Variants in ASZ1 observed in about 807,000 individuals in gnomAD.
ASZ1 encodes the protein ankyrin repeat, SAM and basic leucine zipper domain containing 1.
ASZ1 carries 67 observed loss-of-function variants against 61.8 expected under a neutral mutation model. The ratio of observed to expected loss-of-function variants is 1.08; its 90% confidence interval spans 0.89 to 1.33. The LOEUF is 1.33. Among genes scored for constraint, ASZ1 ranks in the 40% most tolerant of loss-of-function variants. The pLI is 0.00. For missense variants in ASZ1, 577 were observed against 554.5 expected (o/e 1.04, Z -0.41); for synonymous variants, 193 against 192.7 (o/e 1.00, Z -0.01).
intron 10 of ASZ1, among the ~76,000 whole-genome samples, chr7:117,377,825 T>C (rs1007739199): frequency 3.9e-5 from 6 of 152,124 alleles, no homozygotes; most frequent in African/African-American, 1.2e-4. Context: ...CAAGACGTGG[T>C]ACTTTCAGAG....
chr7:117,394,489 T>A (rs76527002), intron 4 of ASZ1, among the ~76,000 whole-genome samples: 3,461 of 152,300 alleles, frequency 0.023, 131 homozygotes, highest in African/African-American at 0.079. Flanking sequence ...TTTATTGTGA[T>A]GTGTCTACAT....
intron 4 of ASZ1, among the ~76,000 whole-genome samples, chr7:117,410,828 G>A (rs140088328): frequency 1.3e-5 from 2 of 151,484 alleles, no homozygotes; most frequent in African/African-American, 4.8e-5. Context: ...AGATAAAAAA[G>A]CTAAATTCTC....
chr7:117,425,392 C>A (rs999631217), intron 2 of ASZ1, among the ~76,000 whole-genome samples: 3 of 150,976 alleles, frequency 2.0e-5, no homozygotes, highest in Non-Finnish European at 4.4e-5. Flanking sequence ...CAGCCTCCCG[C>A]GTAGCTGGGA....
intron 4 of ASZ1, among the ~76,000 whole-genome samples, chr7:117,417,477 C>A (rs1444933411): frequency 6.6e-6 from 1 of 152,160 alleles, no homozygotes; most frequent in African/African-American, 2.4e-5. Flanking sequence ...CTAAAGCTCC[C>A]AATCTTCTAA....
Position 117,383,090 on chromosome 7 carries a change from AAAAG to A in ASZ1, c.704_707del (p.Ser235LeufsTer3), listed in dbSNP as rs749412201. 1 of 1,567,644 alleles carries A rather than the reference AAAAG, an allele frequency of 6.4e-7. No homozygotes were observed. The highest frequency in any genetic ancestry group is 1.2e-5 in the South Asian group (1 of 82,872). On this transcript the variant is annotated frameshift_variant, in exon 7 of 13. Coordinates refer to ENST00000284629, the MANE Select transcript of ASZ1 (RefSeq NM_130768.3). LOFTEE classifies it high-confidence loss of function. ...GTTTTCCTTCCAATGGATTTAAAGT[AAAAG>A]AAAGTAAGTTGAAGATCTGAAAAAA...
At chr7:117,397,767 C>G (rs1796603874) in intron 4 of ASZ1, among the ~76,000 whole-genome samples, 1 of 152,346 alleles carries the variant, frequency 6.6e-6, no homozygotes, top group Non-Finnish European at 1.5e-5. Flanking sequence ...AACAAAGGAT[C>G]AGAGGCTACT....
In ASZ1 at chr7:117,422,363, T is replaced by TC. The variant is rs956425364; in HGVS notation, c.206-5dup. On this transcript the variant is annotated splice_region_variant and splice_polypyrimidine_tract_variant and intron_variant, in intron 2 of 12. Coordinates refer to ENST00000284629, the MANE Select transcript of ASZ1 (RefSeq NM_130768.3). ...AAGTTGGAATCTACACTAATGCCTG[T>TC]CAATATAAAAACAAGCTTTTAAAAG... The TC allele has an allele frequency of 2.5e-6, 4 of 1,608,256 alleles. No homozygotes were observed. The highest frequency in any genetic ancestry group is 3.4e-6 in the Non-Finnish European group (4 of 1,178,478).
chr7:117,414,866 T>C (rs956955241), intron 4 of ASZ1, among the ~76,000 whole-genome samples: 3 of 152,208 alleles, frequency 2.0e-5, no homozygotes, highest in Non-Finnish European at 4.4e-5. Flanking sequence ...CCACATTTTC[T>C]TTATCTAGTC....
At chr7:117,416,127 C>T (rs1173574003) in intron 4 of ASZ1, among the ~76,000 whole-genome samples, 1 of 151,968 alleles carries the variant, frequency 6.6e-6, no homozygotes, top group African/African-American at 2.4e-5. Flanking sequence ...CTGGAGATTG[C>T]AGGGAGCGGA....
chr7:117,411,370 G>A (rs1201142212), intron 4 of ASZ1, among the ~76,000 whole-genome samples: 1 of 151,540 alleles, frequency 6.6e-6, no homozygotes, highest in African/African-American at 2.4e-5. Flanking sequence ...ATATATAAAA[G>A]GCTAAAAACA....
chr7:117,391,916 C>T (rs1335174542), intron 4 of ASZ1, among the ~76,000 whole-genome samples: 1 of 151,956 alleles, frequency 6.6e-6, no homozygotes, highest in Non-Finnish European at 1.5e-5. Context: ...CTCAGCCTCC[C>T]GAGTAGCTGG....
intron 1 of ASZ1, 22 bp downstream of exon 1, chr7:117,427,334 A>G: frequency 6.2e-7 from 1 of 1,613,308 alleles, no homozygotes; most frequent in Non-Finnish European, 8.5e-7. Context: ...AGGTGTGGTC[A>G]AGACAAGGCC....
At chr7:117,405,972 G>A (rs923863581) in intron 4 of ASZ1, among the ~76,000 whole-genome samples, 8 of 152,272 alleles carry the variant, frequency 5.3e-5, no homozygotes, top group Admixed American at 6.5e-5. Context: ...CCAAGGAATG[G>A]GCCAGGGGTT....
chr7:117,418,719 T>G (rs1797044661), intron 4 of ASZ1, among the ~76,000 whole-genome samples: 1 of 151,052 alleles, frequency 6.6e-6, no homozygotes, highest in South Asian at 2.1e-4. Flanking sequence ...CCCAGCACTT[T>G]GGGAGGTGGA....
chr7:117,367,455 T>A lies in ASZ1; in HGVS notation c.1172A>T (p.Glu391Val). 2 of 1,524,540 alleles carry A rather than the reference T, an allele frequency of 1.3e-6. No homozygotes were observed. The highest frequency in any genetic ancestry group is 2.4e-5 in the East Asian group (1 of 40,928). The allele number at this position is 1,524,540 out of a possible 1,614,324, so 94.4% of individuals were successfully genotyped here. Residue 391 changes from glutamate (E) to valine (V), a missense_variant, in exon 12 of 13, where the codon GAA becomes GTA. Glu to Val is a moderately radical substitution (Grantham distance 121). Coordinates refer to ENST00000284629, the MANE Select transcript of ASZ1 (RefSeq NM_130768.3). ...AGTAAAATTCTGGGGAGAAGCCCAT[T>A]CCAGTGTTATCTGTTAATATTTTCA... ...LPVNSQKITL[E>V]WASPQNFTSV... is the part of the protein sequence containing the mutation.
At chr7:117,376,020 CAA>C (rs1299441767) in intron 10 of ASZ1, among the ~76,000 whole-genome samples, 1 of 151,492 alleles carries the variant, frequency 6.6e-6, no homozygotes, top group Admixed American at 6.6e-5. Context: ...GTTACTGAAA[CAA>C]AAGAGCAGGT....
chr7:117,372,007 G>T (rs1014579728), intron 10 of ASZ1, among the ~76,000 whole-genome samples: 2 of 152,084 alleles, frequency 1.3e-5, no homozygotes, highest in Admixed American at 6.6e-5. Context: ...AATTTTCAGA[G>T]CCACTGAATA....
At chr7:117,368,506 G>A (rs1284274766) in intron 11 of ASZ1, 106 bp downstream of exon 11, 11 of 1,479,624 alleles carry the variant, frequency 7.4e-6, no homozygotes, top group African/African-American at 4.3e-5. Context: ...CAGAACAAAC[G>A]ATGTAATTTC....
At chr7:117,393,654 T>C (rs1796519563) in intron 4 of ASZ1, among the ~76,000 whole-genome samples, 1 of 152,232 alleles carries the variant, frequency 6.6e-6, no homozygotes, top group South Asian at 2.1e-4. Context: ...ATTTTGCTTT[T>C]AGCCAATATG....
Sources: allele counts gnomAD v4.1 joint callset (sites outside exome capture counted in the v4.1 genomes callset), GRCh38; gene constraint gnomAD v4.1.1; transcripts MANE v1.5; gene names NCBI Gene and HGNC (gene_info 2026-07-23, HGNC 2026-07-21).